Variants in C14orf93 observed in about 807,000 individuals in gnomAD.
C14orf93 encodes the protein chromosome 14 open reading frame 93, also known as uncharacterized protein C14orf93.
A neutral mutation model predicts 44.0 loss-of-function variants in C14orf93; 23 were observed. The ratio of observed to expected loss-of-function variants is 0.52; its 90% CI spans 0.38 to 0.74. C14orf93 has a LOEUF of 0.74. Ranked by LOEUF, C14orf93 falls within the 30% of genes least tolerant of loss-of-function variation. C14orf93 has a pLI of 0.00. For synonymous variants in C14orf93, 253 were observed against 265.7 expected (o/e 0.95, Z 0.46); for missense variants, 579 against 678.9 (o/e 0.85, Z 1.64).
intron 3 of C14orf93, among the ~76,000 whole-genome samples, chr14:22,992,184 G>A (rs1008395300): frequency 2.0e-5 from 3 of 151,956 alleles, no homozygotes; most frequent in Non-Finnish European, 2.9e-5. Flanking sequence ...AAGTTTTGCC[G>A]GCTGGGCGTG....
At chr14:22,991,318 A>G (rs1470010381) in intron 3 of C14orf93, among the ~76,000 whole-genome samples, 3 of 150,970 alleles carry the variant, frequency 2.0e-5, no homozygotes, top group East Asian at 4.0e-4. Context: ...ATCTCAGCTC[A>G]CTGCATCCTC....
At chr14:22,988,130 A>T in intron 5 of C14orf93, 115 bp from the exon 6 acceptor site, 141 of 484,030 alleles carry the variant, frequency 2.9e-4, no homozygotes, top group Middle Eastern at 6.1e-4. Context: ...TACTTAGATG[A>T]GGGCTTTTTT....
intron 3 of C14orf93, among the ~76,000 whole-genome samples, chr14:22,994,966 CA>C (rs2045883840): frequency 6.6e-6 from 1 of 152,162 alleles, no homozygotes; most frequent in Non-Finnish European, 1.5e-5. Context: ...CAAACGTCTC[CA>C]GATGTTTCCA....
At chr14:22,989,072 G>A (rs530634898) in intron 5 of C14orf93, among the ~76,000 whole-genome samples, 2 of 152,106 alleles carry the variant, frequency 1.3e-5, no homozygotes, top group East Asian at 1.9e-4. Context: ...CCTCCACCTC[G>A]CAGGCTCAAG....
chr14:22,987,831 T>TG lies in C14orf93; in HGVS notation c.1197+71dup, dbSNP rs2045323297. ...CTCTCAACCCTATTCTCATATGCCA[T>TG]GTCCTCTGGCCCTTCCCACTTAGGA... On this transcript the variant is annotated intron_variant, in intron 6 of 6. Transcript: ENST00000299088. The surrounding 1 kb of genome is among the most constrained non-coding windows in gnomAD (Gnocchi z 5.6). 1 of 1,332,974 alleles carries TG rather than the reference T, an allele frequency of 7.5e-7. No individual in the cohort carries two copies. The highest frequency in any genetic ancestry group is 1.1e-6 in the Non-Finnish European group (1 of 942,172). 82.6% of individuals were successfully genotyped at this position (1,332,974 alleles called of 1,614,324 possible).
Position 22,999,141 on chromosome 14 carries a change from C to T in C14orf93, c.-118G>A. 1.4e-6 allele frequency: 2 copies of T among 1,459,510 alleles called. No individual in the cohort carries two copies. Among genetic ancestry groups the T allele is most frequent in the South Asian group, 2.7e-5 (2 of 73,422 alleles). The allele number at this position is 1,459,510 out of a possible 1,614,324, so 90.4% of individuals were successfully genotyped here. On this transcript the variant is annotated 5_prime_UTR_variant, in exon 2 of 7. Transcript: ENST00000299088. The stretch of plus-strand genomic sequence containing the variant: ...ATGAGGATGGTCAGAGGAGCCCAGG[C>T]CCCAAGCTGTAGGGTCTGTGAAAGA...
rs140810441 is a variant in C14orf93 at position 22,987,526 on chromosome 14, C to T, written c.1306G>A (p.Glu436Lys). The T allele has an allele frequency of 9.3e-6, 15 of 1,614,230 alleles. No individual in the cohort carries two copies. In the East Asian group the frequency reaches 2.9e-4, roughly 31 times the overall value. ...LMSDEEDSLN[E>K]PGVWVARPPR... ...GGGCGGGCCACCCACACACCTGGCT[C>T]GTTAAGACTGTCCTCTTCATCTGAC... Residue 436 changes from glutamate to lysine, a missense_variant, in exon 7 of 7, where the codon GAG becomes AAG. Transcript: ENST00000299088. This position sits in a 1 kb window ranked among gnomAD's most constrained non-coding sequence, Gnocchi z 5.6.
rs138499014 is a variant in C14orf93 at position 22,998,445 on chromosome 14, C to A, written c.579G>T (p.Ala193=). 2.5e-6 allele frequency: 4 copies of A among 1,577,890 alleles called. No homozygotes were observed. Among genetic ancestry groups the A allele is most frequent in the Middle Eastern group, 2.1e-4 (1 of 4,726 alleles). ...TACTCACAGGATTGAGCAGGGGGGC[C>A]GCCTCGCTGGCAGCCAGCGTGCACC... is the stretch of plus-strand genomic sequence containing the variant. The part of the protein sequence containing the change: ...LPGCTLAASE[A]APLLNPLVDD... Residue 193 remains alanine, a synonymous_variant, in exon 2 of 7, where the codon GCG becomes GCT. Coordinates refer to ENST00000299088, the MANE Select transcript of C14orf93 (RefSeq NM_021944.4).
At chr14:23,005,009 G>A (rs2046556687) in intron 1 of C14orf93, 1 of 152,154 alleles carries the variant, frequency 6.6e-6, no homozygotes, top group African/African-American at 2.4e-5. Flanking sequence ...TGAGGCGTTA[G>A]TTCAAAATAA....
chr14:23,001,658 T>C (rs181539313), intron 1 of C14orf93, among the ~76,000 whole-genome samples: 1 of 150,392 alleles, frequency 6.6e-6, no homozygotes, highest in Admixed American at 6.6e-5. Context: ...AGAGACAGGG[T>C]TTCGCGCTGT....
Position 22,999,221 on chromosome 14 carries a change from G to T in C14orf93, c.-198C>A. On this transcript the variant is annotated 5_prime_UTR_variant, in exon 2 of 7. Coordinates refer to ENST00000299088, the MANE Select transcript of C14orf93 (RefSeq NM_021944.4). ...GTCCATGGCGGCCTCTCCTCGGCCT[G>T]CAGAAGGGAGACAGGTGCCTTCTAT... 1 of 731,984 alleles carries T rather than the reference G, an allele frequency of 1.4e-6. No homozygotes were observed. The highest frequency in any genetic ancestry group is 2.1e-6 in the Non-Finnish European group (1 of 475,336). The allele number at this position is 731,984 out of a possible 1,614,324, so 45.3% of individuals were successfully genotyped here.
In C14orf93 at chr14:22,988,033, A is replaced by G; in HGVS notation, c.1085-18T>C. On this transcript the variant is annotated intron_variant, in intron 5 of 6. Coordinates refer to ENST00000299088, the MANE Select transcript of C14orf93 (RefSeq NM_021944.4). ...ACAGGCTCCTGGCGGGGAGGGAAGG[A>G]AGGGAGCAAGAAGGAGGGTCCTCTG... 6.4e-7 allele frequency: 1 copy of G among 1,573,608 alleles called. No individual in the cohort carries two copies. The highest frequency in any genetic ancestry group is 8.7e-7 in the Non-Finnish European group (1 of 1,144,980).
chr14:22,991,535 G>A (rs1002522703), intron 3 of C14orf93, among the ~76,000 whole-genome samples: 16 of 151,638 alleles, frequency 1.1e-4, no homozygotes, highest in African/African-American at 3.9e-4. Flanking sequence ...GTGAGCCACC[G>A]CACCGGGCCT....
chr14:23,000,106 C>G (rs2139670501), intron 1 of C14orf93: 1 of 152,288 alleles, frequency 6.6e-6, no homozygotes, highest in South Asian at 2.1e-4. Flanking sequence ...AACAGCTATG[C>G]TGTCACTTTG....
chr14:23,003,888 ATATATATATATTTTTTTTT>A (rs2046463962), intron 1 of C14orf93, among the ~76,000 whole-genome samples: 2 of 15,748 alleles, frequency 1.3e-4, no homozygotes, highest in Non-Finnish European at 2.0e-4. Flanking sequence ...ATATATATAT[ATATATATATATTTTTTTTT>A]TTTTTTTTTT....
intron 1 of C14orf93, among the ~76,000 whole-genome samples, chr14:23,002,937 A>G (rs1002629250): frequency 1.3e-5 from 2 of 152,212 alleles, no homozygotes; most frequent in Non-Finnish European, 2.9e-5. Flanking sequence ...TGAATTTCTA[A>G]CAAACAACAC....
intron 1 of C14orf93, among the ~76,000 whole-genome samples, chr14:23,003,474 A>G (rs1167405886): frequency 1.3e-5 from 2 of 152,214 alleles, no homozygotes; most frequent in Admixed American, 1.3e-4. Context: ...TAATTTCATT[A>G]GCTGCATATA....
chr14:22,995,825 C>G (rs1044769285), intron 3 of C14orf93, 123 bp downstream of exon 3: 1 of 881,534 alleles, frequency 1.1e-6, no homozygotes, highest in East Asian at 2.8e-5. Context: ...CCTTATCCCT[C>G]CCACTCTGGT....
intron 3 of C14orf93, among the ~76,000 whole-genome samples, chr14:22,995,642 T>C (rs966108614): frequency 7.3e-6 from 1 of 137,148 alleles, no homozygotes; most frequent in Admixed American, 7.9e-5. Context: ...ATCATGCCAT[T>C]GCACTGCAGC....
Sources: allele counts gnomAD v4.1 joint callset (sites outside exome capture counted in the v4.1 genomes callset), GRCh38; gene constraint gnomAD v4.1.1; non-coding constraint Gnocchi (gnomAD v3.1); transcripts MANE v1.5; gene names NCBI Gene and HGNC (gene_info 2026-07-23, HGNC 2026-07-21).